Variants in SDK1 observed in about 807,000 individuals in gnomAD.
SDK1 encodes sidekick cell adhesion molecule 1.
Under a neutral mutation model 245.5 loss-of-function variants are expected in SDK1, and 157 were observed. The observed-to-expected ratio is 0.64, with a 90% confidence interval of 0.56 to 0.73. The LOEUF is 0.73. SDK1 is among the 30% of genes least tolerant of loss of function. SDK1 has a pLI of 0.00. For missense variants in SDK1, 3,583 were observed against 3,002.3 expected (o/e 1.19, Z -4.52); for synonymous variants, 1,647 against 1,278.5 (o/e 1.29, Z -6.15).
chr7:3,322,488 T>G (rs116522594), intron 1 of SDK1, among the ~76,000 whole-genome samples: 8 of 152,326 alleles, frequency 5.3e-5, no homozygotes, highest in African/African-American at 1.9e-4. Flanking sequence ...TTTTGGTATA[T>G]GCCTAGAAGT....
intron 22 of SDK1, among the ~76,000 whole-genome samples, chr7:4,086,374 C>T (rs1414328544): frequency 6.6e-6 from 1 of 152,162 alleles, no homozygotes; most frequent in Non-Finnish European, 1.5e-5. Flanking sequence ...GGTCAGAAGT[C>T]CAGCATGGGT....
chr7:3,381,571 G>A (rs765853318), intron 1 of SDK1, among the ~76,000 whole-genome samples: 2 of 152,142 alleles, frequency 1.3e-5, no homozygotes, highest in Non-Finnish European at 2.9e-5. Context: ...AAAGGCTGGC[G>A]ATACTGTAGC....
In SDK1 at chr7:3,410,845, C is replaced by G. The variant is rs539622695; in HGVS notation, c.298+108961C>G. ...CAGGTGATCCGCCTGCCTCGGCCTC[C>G]CACGGTGCTGGGATTACATGTTTGA... On this transcript the variant is annotated intron_variant, in intron 1 of 44. Transcript: ENST00000404826. Among the ~76,000 whole-genome samples the G allele has an allele frequency of 4.2e-4, 64 of 152,172 alleles. 1 individual carries two copies. In the Middle Eastern group the frequency reaches 0.014, roughly 32 times the overall value.
At chr7:4,004,240 G>A (rs576283547) in intron 14 of SDK1, among the ~76,000 whole-genome samples, 4 of 152,316 alleles carry the variant, frequency 2.6e-5, no homozygotes, top group Non-Finnish European at 4.4e-5. Flanking sequence ...TCCCAAGGGA[G>A]CTCAGCCAGT....
intron 35 of SDK1, among the ~76,000 whole-genome samples, chr7:4,204,131 A>T (rs1419993546): frequency 6.6e-6 from 1 of 152,258 alleles, no homozygotes; most frequent in Non-Finnish European, 1.5e-5. Flanking sequence ...CTCACCGACT[A>T]CCAGGGTAAT....
Position 4,158,933 on chromosome 7 carries a change from G to A in SDK1, c.4729+382G>A, listed in dbSNP as rs772852283. Among the ~76,000 whole-genome samples the A allele has an allele frequency of 2.0e-3, 305 of 152,302 alleles. 1 individual carries two copies. Among genetic ancestry groups the A allele is most frequent in the Non-Finnish European group, 2.7e-3 (183 of 68,028 alleles). On this transcript the variant is annotated intron_variant, in intron 31 of 44. Coordinates refer to ENST00000404826, the MANE Select transcript of SDK1 (RefSeq NM_152744.4). ...ACAGCGCAGGTAAGTGATGGGAAGC[G>A]AGGTCTCCTCAGAGCTCCAGGTGGC...
At chr7:3,564,077 C>A (rs1396612729) in intron 1 of SDK1, among the ~76,000 whole-genome samples, 1 of 151,724 alleles carries the variant, frequency 6.6e-6, no homozygotes, top group Non-Finnish European at 1.5e-5. Flanking sequence ...CTTAAATAAA[C>A]ATAGTTTATT....
chr7:3,838,355 A>G (rs931775060), intron 5 of SDK1, among the ~76,000 whole-genome samples: 2 of 152,224 alleles, frequency 1.3e-5, no homozygotes, highest in Non-Finnish European at 2.9e-5. Flanking sequence ...AAAACCCAGC[A>G]TGGGGCACCC....
intron 4 of SDK1, among the ~76,000 whole-genome samples, chr7:3,644,249 A>G (rs938650085): frequency 2.7e-5 from 4 of 149,938 alleles, no homozygotes; most frequent in Admixed American, 2.0e-4. Context: ...AAATTTATAT[A>G]TATATATATA....
chr7:3,747,947 A>C (rs761363446), intron 4 of SDK1, among the ~76,000 whole-genome samples: 3 of 152,210 alleles, frequency 2.0e-5, no homozygotes, highest in Admixed American at 6.5e-5. Context: ...TTTAGCCAGG[A>C]AACTGATACG....
At chr7:3,493,030 A>G (rs1240543804) in intron 1 of SDK1, among the ~76,000 whole-genome samples, 2 of 152,122 alleles carry the variant, frequency 1.3e-5, no homozygotes, top group Non-Finnish European at 2.9e-5. Flanking sequence ...TGCTCACTGC[A>G]AGGTCTGCCT....
chr7:3,349,371 C>T (rs1780596906), intron 1 of SDK1, among the ~76,000 whole-genome samples: 1 of 151,672 alleles, frequency 6.6e-6, no homozygotes, highest in South Asian at 2.1e-4. Context: ...AAAAAGAAGC[C>T]TGCTCCTCCA....
At chr7:3,402,497 T>C (rs1778916035) in intron 1 of SDK1, among the ~76,000 whole-genome samples, 1 of 152,224 alleles carries the variant, frequency 6.6e-6, no homozygotes, top group Non-Finnish European at 1.5e-5. Flanking sequence ...AGGTGTTTTA[T>C]TGAAATTATT....
chr7:3,828,195 T>C (rs1177790349), intron 5 of SDK1, among the ~76,000 whole-genome samples: 1 of 151,954 alleles, frequency 6.6e-6, no homozygotes, highest in Admixed American at 6.6e-5. Flanking sequence ...GGAAAATGAA[T>C]TGAACCTGGG....
chr7:4,066,823 G>A (rs1330192152), intron 19 of SDK1, among the ~76,000 whole-genome samples: 1 of 152,232 alleles, frequency 6.6e-6, no homozygotes, highest in East Asian at 1.9e-4. Flanking sequence ...GCAGGCAGGT[G>A]GTCCATCTGC....
chr7:3,718,890 A>G (rs554126688), intron 4 of SDK1, among the ~76,000 whole-genome samples: 2 of 152,250 alleles, frequency 1.3e-5, no homozygotes, highest in African/African-American at 4.8e-5. Flanking sequence ...GGAATTTACA[A>G]AAAAGTCCCA....
At chr7:3,554,593 C>T (rs1432712390) in intron 1 of SDK1, among the ~76,000 whole-genome samples, 3 of 152,104 alleles carry the variant, frequency 2.0e-5, no homozygotes, top group African/African-American at 4.8e-5. Flanking sequence ...TCATAAGAAC[C>T]AAGAATCAGG....
At chr7:3,419,621 G>T (rs1341663357) in intron 1 of SDK1, among the ~76,000 whole-genome samples, 1 of 152,136 alleles carries the variant, frequency 6.6e-6, no homozygotes, top group Non-Finnish European at 1.5e-5. Flanking sequence ...TGCTGGTCAG[G>T]TATCCTAGTC....
At chr7:4,069,602 G>C (rs1052538107) in intron 20 of SDK1, among the ~76,000 whole-genome samples, 9 of 152,232 alleles carry the variant, frequency 5.9e-5, no homozygotes, top group Admixed American at 5.2e-4. Flanking sequence ...TGTGAAGCAA[G>C]CTTATGCTCT....
Sources: allele counts gnomAD v4.1 joint callset (sites outside exome capture counted in the v4.1 genomes callset), GRCh38; gene constraint gnomAD v4.1.1; transcripts MANE v1.5; gene names NCBI Gene and HGNC (gene_info 2026-07-23, HGNC 2026-07-21).